The following NRG3 variants were observed in gnomAD, a reference collection of about 807,000 sequenced individuals.
NRG3 encodes neuregulin 3, also known as pro-neuregulin-3, membrane-bound isoform.
NRG3 carries 31 observed loss-of-function variants against 66.9 expected under a neutral mutation model. That is an observed-to-expected ratio of 0.46 (90% CI 0.35 to 0.63). The LOEUF (loss-of-function observed/expected upper bound fraction) is 0.63, where lower values mean the gene tolerates loss of function less well. Among genes scored for constraint, NRG3 ranks in the 20% least tolerant of loss-of-function variants. NRG3 has a pLI of 0.00. For synonymous variants in NRG3, 393 were observed against 359.4 expected, an observed-to-expected ratio of 1.09 and a Z score of -1.06; for missense variants, 910 against 878.9, an observed-to-expected ratio of 1.04 and a Z score of -0.45.
intron 1 of NRG3, among the ~76,000 whole-genome samples, chr10:81,991,870 G>T (rs1316396261): frequency 6.6e-6 from 1 of 151,958 alleles, no homozygotes; most frequent in Non-Finnish European, 1.5e-5. Flanking sequence ...AGTAAACTAT[G>T]TAAATTCCCA....
At chr10:82,684,053 G>A (rs925349994) in intron 2 of NRG3, among the ~76,000 whole-genome samples, 5 of 152,110 alleles carry the variant, frequency 3.3e-5, no homozygotes, top group East Asian at 3.9e-4. Flanking sequence ...ACTGTTTTAA[G>A]TATTGGGTTA....
intron 1 of NRG3, among the ~76,000 whole-genome samples, chr10:81,982,410 C>T (rs1485425086): frequency 1.3e-5 from 2 of 152,238 alleles, no homozygotes; most frequent in Non-Finnish European, 2.9e-5. Context: ...CCTCAAACCT[C>T]TCACAGCCTC....
intron 4 of NRG3, among the ~76,000 whole-genome samples, chr10:82,918,281 G>C (rs1846082528): frequency 6.6e-6 from 1 of 152,006 alleles, no homozygotes; most frequent in Non-Finnish European, 1.5e-5. Flanking sequence ...TGTGTGGAGA[G>C]AGAAAAGACT....
intron 3 of NRG3, among the ~76,000 whole-genome samples, chr10:82,750,262 A>G (rs1483134655): frequency 6.6e-6 from 1 of 152,188 alleles, no homozygotes; most frequent in African/African-American, 2.4e-5. Flanking sequence ...TTCATAGAAT[A>G]TGATAGAGCA....
intron 1 of NRG3, among the ~76,000 whole-genome samples, chr10:82,284,487 A>G (rs914050566): frequency 6.6e-6 from 1 of 152,198 alleles, no homozygotes; most frequent in Non-Finnish European, 1.5e-5. Context: ...TGAGGAGTTT[A>G]TTAACAAGAA....
chr10:82,357,833 A>G (rs1019825217), intron 1 of NRG3, among the ~76,000 whole-genome samples: 1 of 152,246 alleles, frequency 6.6e-6, no homozygotes, highest in Non-Finnish European at 1.5e-5. Flanking sequence ...ATGCTTGAAT[A>G]TTATTATTAA....
intron 1 of NRG3, among the ~76,000 whole-genome samples, chr10:82,173,674 A>AACACACACACACACACAC (rs3037392): frequency 4.6e-4 from 68 of 146,508 alleles, no homozygotes; most frequent in Admixed American, 6.2e-4. Context: ...TGCATATGTG[A>AACACACACACACACACAC]ACACACACAC....
chr10:81,988,392 A>G (rs1169140193), intron 1 of NRG3, among the ~76,000 whole-genome samples: 1 of 152,178 alleles, frequency 6.6e-6, no homozygotes, highest in Non-Finnish European at 1.5e-5. Context: ...CGGCTTTGAT[A>G]TATTTTCCCA....
intron 2 of NRG3, among the ~76,000 whole-genome samples, chr10:82,484,120 C>T (rs1440666967): frequency 2.0e-5 from 3 of 152,228 alleles, no homozygotes; most frequent in East Asian, 1.9e-4. Flanking sequence ...AAAACAGGGT[C>T]GCATACCTGC....
intron 3 of NRG3, among the ~76,000 whole-genome samples, chr10:82,809,929 A>G (rs115275913): frequency 0.01 from 1,564 of 150,306 alleles, 25 homozygotes; most frequent in African/African-American, 0.032. Flanking sequence ...CAATAATCCA[A>G]TTTCTACACA....
rs1216068604 is a variant in NRG3, at chr10:82,535,908, T to TG, written c.953+177040_953+177041insG. ...AAATATTTTTTAAAGTAGTCTTTTT[T>TG]TTTTTTTTTTTGACTGGCATTCACA... On this transcript the variant is annotated intron_variant, in intron 2 of 8. Coordinates refer to ENST00000372141, the MANE Select transcript of NRG3 (RefSeq NM_001010848.4). 3.1e-4 allele frequency among the ~76,000 whole-genome samples: 47 copies of TG among 151,900 alleles called. No homozygotes were observed. In the East Asian group the frequency reaches 7.9e-3, roughly 26 times the overall value.
intron 1 of NRG3, among the ~76,000 whole-genome samples, chr10:81,945,943 TAGGAGAG>T (rs1672271746): frequency 6.6e-6 from 1 of 152,140 alleles, no homozygotes; most frequent in Non-Finnish European, 1.5e-5. Context: ...CACCGGAAGC[TAGGAGAG>T]AGGCATGGAC....
intron 4 of NRG3, among the ~76,000 whole-genome samples, chr10:82,940,011 A>C (rs1848452840): frequency 1.3e-5 from 2 of 151,980 alleles, no homozygotes; most frequent in South Asian, 4.1e-4. Context: ...AGCCACATAC[A>C]ACTATCCAGA....
In NRG3 at chr10:82,985,309, A is replaced by AT; in HGVS notation, c.1795_1796insT (p.Lys599IlefsTer10). ...AGGGATTTCTGAAGTCAAAAGCATCAAATGGTGCAAAAACTCCTATTCAGC... is the reference window on the plus strand; with the variant it reads ...AGGGATTTCTGAAGTCAAAAGCATCATAATGGTGCAAAAACTCCTATTCAGC... On this transcript the variant is annotated frameshift_variant, in exon 9 of 9. Transcript: ENST00000372141. LOFTEE classifies it high-confidence loss of function. 6.2e-7 allele frequency: 1 copy of AT among 1,614,156 alleles called. No individual in the cohort carries two copies. The highest frequency in any genetic ancestry group is 8.5e-7 in the Non-Finnish European group (1 of 1,180,012).
At chr10:82,088,585 T>C (rs2065854863) in intron 1 of NRG3, among the ~76,000 whole-genome samples, 1 of 152,146 alleles carries the variant, frequency 6.6e-6, no homozygotes, top group Admixed American at 6.5e-5. Flanking sequence ...AAGGGTTCCT[T>C]TGATTTTGAA....
chr10:82,317,576 C>T (rs1219870392), intron 1 of NRG3, among the ~76,000 whole-genome samples: 2 of 152,174 alleles, frequency 1.3e-5, no homozygotes, highest in Non-Finnish European at 2.9e-5. Flanking sequence ...TGGATTATCA[C>T]AATTTTCTCC....
intron 3 of NRG3, among the ~76,000 whole-genome samples, chr10:82,751,330 A>G (rs2058855331): frequency 6.6e-6 from 1 of 152,078 alleles, no homozygotes; most frequent in African/African-American, 2.4e-5. Flanking sequence ...TGAGAAGGTT[A>G]TCAAATTTTC....
At position 82,069,215 on chromosome 10, in the gene NRG3, A is replaced by G. The variant is rs769334027; in HGVS notation, c.823+193052A>G. On this transcript the variant is annotated intron_variant, in intron 1 of 8. Coordinates refer to ENST00000372141, the MANE Select transcript of NRG3 (RefSeq NM_001010848.4). ...ATGGATTGGATAGGGGTCAGGTTGC[A>G]TTGGAGTTTCTTAGAAGCTTCACTT... is the stretch of plus-strand genomic sequence containing the variant. Among the ~76,000 whole-genome samples the G allele has an allele frequency of 2.0e-4, 31 of 152,162 alleles. 1 individual carries two copies. The highest frequency in any genetic ancestry group is 1.8e-3 in the Admixed American group (27 of 15,264).
intron 1 of NRG3, among the ~76,000 whole-genome samples, chr10:82,055,598 T>G (rs2063808090): frequency 2.0e-5 from 3 of 152,142 alleles, no homozygotes; most frequent in Non-Finnish European, 4.4e-5. Flanking sequence ...ATTTAATTTT[T>G]TTATCTAATT....
Sources: gnomAD v4.1 joint callset for allele counts (sites outside exome capture counted in the v4.1 genomes callset) on GRCh38, gnomAD v4.1.1 for gene constraint, MANE v1.5 for transcripts, NCBI Gene and HGNC (gene_info 2026-07-23, HGNC 2026-07-21) for gene names.